The following KAZN variants were observed in gnomAD, a reference collection of about 807,000 sequenced individuals.
KAZN encodes the protein kazrin.
Under a neutral mutation model 87.4 loss-of-function variants are expected in KAZN, and 40 were observed. That is an observed-to-expected ratio of 0.46 (90% CI 0.36 to 0.60). KAZN has a LOEUF of 0.60. KAZN is among the 20% of genes least tolerant of loss of function. The pLI is 0.00. For missense variants in KAZN, 898 were observed against 1,073.9 expected, an observed-to-expected ratio of 0.84 and a Z score of 2.29; for synonymous variants, 466 against 458.3, an observed-to-expected ratio of 1.02 and a Z score of -0.22.
At chr1:14,674,511 C>T (rs1305676958) in intron 1 of KAZN, among the ~76,000 whole-genome samples, 1 of 152,222 alleles carries the variant, frequency 6.6e-6, no homozygotes. Flanking sequence ...TTCAGGGATA[C>T]ATGCTACCTT....
At chr1:14,301,988 G>A (rs1352513521) in intron 2 of KAZN, among the ~76,000 whole-genome samples, 1 of 152,086 alleles carries the variant, frequency 6.6e-6, no homozygotes, top group Non-Finnish European at 1.5e-5. Flanking sequence ...GCTCCCAATT[G>A]GACTCTAAGG....
chr1:14,964,110 A>G (rs1664186834), intron 2 of KAZN, among the ~76,000 whole-genome samples: 2 of 152,106 alleles, frequency 1.3e-5, no homozygotes, highest in African/African-American at 4.8e-5. Context: ...ATGTGTCTCT[A>G]TAGTAGAATG....
intron 1 of KAZN, among the ~76,000 whole-genome samples, chr1:14,680,528 TG>T (rs1286967929): frequency 6.6e-6 from 1 of 152,178 alleles, no homozygotes; most frequent in African/African-American, 2.4e-5. Context: ...ATATGTGCCA[TG>T]GTGGTTTGCT....
intron 2 of KAZN, among the ~76,000 whole-genome samples, chr1:14,366,471 C>T (rs1427016082): frequency 6.6e-6 from 1 of 152,228 alleles, no homozygotes; most frequent in Admixed American, 6.5e-5. Flanking sequence ...CTTTCCTAAG[C>T]CCTTCACTGG....
chr1:14,379,724 G>A (rs1177255939), intron 2 of KAZN, among the ~76,000 whole-genome samples: 1 of 152,220 alleles, frequency 6.6e-6, no homozygotes, highest in African/African-American at 2.4e-5. Context: ...CTCAGCCACA[G>A]TACAATAGAA....
intron 3 of KAZN, among the ~76,000 whole-genome samples, chr1:15,039,171 C>T (rs1248166757): frequency 1.3e-5 from 2 of 152,256 alleles, no homozygotes; most frequent in Non-Finnish European, 2.9e-5. Context: ...GCACTGCCCT[C>T]ATCTCTTCAC....
intron 1 of KAZN, among the ~76,000 whole-genome samples, chr1:14,076,237 C>A (rs189788191): frequency 3.3e-5 from 5 of 151,810 alleles, no homozygotes; most frequent in African/African-American, 1.2e-4. Context: ...GCCGAGATCA[C>A]GTCACTGCAC....
Position 15,081,092 on chromosome 1 carries a change from C to T in KAZN, c.1223-13088C>T, listed in dbSNP as rs58569824. On this transcript the variant is annotated intron_variant, in intron 8 of 14. Transcript: ENST00000376030. This position sits in a 1 kb window ranked among gnomAD's most constrained non-coding sequence, Gnocchi z 4.1. ...GTGGCTGGAAGAGGCGTGGACGAGGCGGGGTTGGCAGAAGATGAGACCACA... is the reference window on the plus strand; with the variant it reads ...GTGGCTGGAAGAGGCGTGGACGAGGTGGGGTTGGCAGAAGATGAGACCACA... Among the ~76,000 whole-genome samples the T allele has an allele frequency of 9.8e-4, 149 of 152,348 alleles. 2 individuals carry two copies. In the East Asian group the frequency reaches 0.018, roughly 18 times the overall value.
intron 1 of KAZN, among the ~76,000 whole-genome samples, chr1:14,057,708 G>A (rs1389225886): frequency 6.6e-6 from 1 of 152,184 alleles, no homozygotes; most frequent in Non-Finnish European, 1.5e-5. Flanking sequence ...TGAGCAGGCA[G>A]GATTCATCCT....
Position 14,690,540 on chromosome 1 carries a change from T to G in KAZN, c.226+91317T>G, listed in dbSNP as rs75222738. ...CTTGGGGTGACAGCAGAGGGAAGGG[T>G]TTTTTTTTCATGCTCTTCCCCCCAT... On this transcript the variant is annotated intron_variant, in intron 1 of 14. Coordinates refer to ENST00000376030, the MANE Select transcript of KAZN (RefSeq NM_201628.3). 2.1e-3 allele frequency among the ~76,000 whole-genome samples: 310 copies of G among 150,882 alleles called. 8 individuals are homozygous for G. In the East Asian group the frequency reaches 0.036, roughly 18 times the overall value.
intron 1 of KAZN, among the ~76,000 whole-genome samples, chr1:14,060,595 A>G (rs1353185104): frequency 6.6e-6 from 1 of 152,138 alleles, no homozygotes; most frequent in Non-Finnish European, 1.5e-5. Flanking sequence ...ATGTCCCCTG[A>G]CTTCTTTTCT....
chr1:14,483,863 CTA>C (rs766059050), intron 2 of KAZN, among the ~76,000 whole-genome samples: 2 of 152,122 alleles, frequency 1.3e-5, no homozygotes, highest in Admixed American at 6.5e-5. Context: ...AGCCATTGCC[CTA>C]TGTTTTCTTC....
intron 1 of KAZN, chr1:13,893,828 G>A (rs993809959): frequency 1.3e-6 from 2 of 1,528,134 alleles, no homozygotes; most frequent in Non-Finnish European, 1.8e-6. Context: ...CCCAAAAACA[G>A]CGGTCTGTGT....
intron 1 of KAZN, among the ~76,000 whole-genome samples, chr1:14,111,932 C>A (rs1293607600): frequency 8.6e-5 from 13 of 151,854 alleles, no homozygotes; most frequent in African/African-American, 3.1e-4. Flanking sequence ...TAGAGACGGG[C>A]TTTCACCATA....
chr1:14,665,947 A>AAAAAT (rs1639518994), intron 1 of KAZN, among the ~76,000 whole-genome samples: 1 of 151,792 alleles, frequency 6.6e-6, no homozygotes, highest in African/African-American at 2.4e-5. Context: ...AAAAAAAAAA[A>AAAAAT]AAAAAATAAC....
intron 1 of KAZN, among the ~76,000 whole-genome samples, chr1:13,918,862 C>T (rs1639956276): frequency 6.6e-6 from 1 of 152,158 alleles, no homozygotes; most frequent in Admixed American, 6.5e-5. Context: ...AACAGGGTCT[C>T]AGTCTGTGGC....
intron 7 of KAZN, among the ~76,000 whole-genome samples, chr1:15,065,129 A>T (rs554518012): frequency 6.8e-6 from 1 of 147,328 alleles, no homozygotes; most frequent in African/African-American, 2.6e-5. Context: ...CCTGGGTTCA[A>T]GTGATTCTCC....
intron 1 of KAZN, among the ~76,000 whole-genome samples, chr1:14,844,296 C>T (rs1022952889): frequency 1.5e-4 from 23 of 152,290 alleles, no homozygotes; most frequent in African/African-American, 5.5e-4. Context: ...CCTCAGTCTC[C>T]TCACCATAAA....
chr1:14,013,121 C>T (rs534686909), intron 1 of KAZN, among the ~76,000 whole-genome samples: 1 of 152,266 alleles, frequency 6.6e-6, no homozygotes, highest in African/African-American at 2.4e-5. Flanking sequence ...TTTTCCGGAA[C>T]CTGCATCCTC....
Sources: allele counts gnomAD v4.1 joint callset (sites outside exome capture counted in the v4.1 genomes callset), GRCh38; gene constraint gnomAD v4.1.1; non-coding constraint Gnocchi (gnomAD v3.1); transcripts MANE v1.5; gene names NCBI Gene and HGNC (gene_info 2026-07-23, HGNC 2026-07-21).